GREB1L: variants seen among roughly 807,000 people sequenced by gnomAD.
GREB1L encodes the protein GREB1 like retinoic acid receptor coactivator, also known as GREB1-like protein.
In GREB1L, 17 loss-of-function variants were observed where a neutral mutation model predicts 200.8. That is an observed-to-expected ratio of 0.08 (90% CI 0.06 to 0.13). The LOEUF (loss-of-function observed/expected upper bound fraction) is 0.13. GREB1L is among the 10% of genes least tolerant of loss of function. GREB1L has a pLI of 1.00. For synonymous variants in GREB1L, 789 were observed against 893.0 expected, an observed-to-expected ratio of 0.88 and a Z score of 2.08; for missense variants, 1,657 against 2,367.7, an observed-to-expected ratio of 0.70 and a Z score of 6.23.
At chr18:21,505,605 T>G (rs1303877592) in intron 24 of GREB1L, 38 bp downstream of exon 24, 1 of 1,545,988 alleles carries the variant, frequency 6.5e-7, no homozygotes, top group African/African-American at 1.4e-5. Flanking sequence ...CTCTCTGGGT[T>G]AAGGGGACAC....
At chr18:21,389,118 T>G (rs896610425) in intron 4 of GREB1L, among the ~76,000 whole-genome samples, 1 of 152,142 alleles carries the variant, frequency 6.6e-6, no homozygotes, top group African/African-American at 2.4e-5. Context: ...CGTAAATTAT[T>G]TGAAATTCTA....
chr18:21,417,118 T>TA (rs2031714271), intron 7 of GREB1L, among the ~76,000 whole-genome samples: 1 of 152,130 alleles, frequency 6.6e-6, no homozygotes, highest in African/African-American at 2.4e-5. Flanking sequence ...GGCATGTAAT[T>TA]AGTACAGGGG....
At chr18:21,347,867 A>C (rs1431470322) in intron 1 of GREB1L, among the ~76,000 whole-genome samples, 2 of 143,122 alleles carry the variant, frequency 1.4e-5, no homozygotes, top group South Asian at 2.2e-4. Context: ...CCCAGGTTCA[A>C]GTGATTCTCC....
At chr18:21,279,319 GTTATTA>G (rs1001370085) in intron 1 of GREB1L, among the ~76,000 whole-genome samples, 11 of 152,026 alleles carry the variant, frequency 7.2e-5, no homozygotes, top group East Asian at 1.9e-4. Flanking sequence ...TTACTGAATA[GTTATTA>G]TTATAATTTC....
intron 1 of GREB1L, among the ~76,000 whole-genome samples, chr18:21,306,986 C>T (rs1420655278): frequency 6.6e-6 from 1 of 152,218 alleles, no homozygotes; most frequent in African/African-American, 2.4e-5. Flanking sequence ...TTAGATTCTA[C>T]TTTCCATTAT....
At chr18:21,313,865 T>C (rs1416723850) in intron 1 of GREB1L, among the ~76,000 whole-genome samples, 4 of 152,254 alleles carry the variant, frequency 2.6e-5, no homozygotes, top group Non-Finnish European at 5.9e-5. Context: ...CTCTGCTGTT[T>C]CCTCATCTTT....
chr18:21,258,594 A>G (rs2037838956), intron 1 of GREB1L, among the ~76,000 whole-genome samples: 2 of 152,180 alleles, frequency 1.3e-5, no homozygotes, highest in South Asian at 4.1e-4. Context: ...TGGAAATACC[A>G]ACACAAGACC....
intron 1 of GREB1L, among the ~76,000 whole-genome samples, chr18:21,303,262 C>G (rs530331551): frequency 1.3e-5 from 2 of 152,292 alleles, no homozygotes; most frequent in East Asian, 3.9e-4. Flanking sequence ...TTTTTATGCA[C>G]TGTATTTTCA....
intron 1 of GREB1L, among the ~76,000 whole-genome samples, chr18:21,357,729 T>G (rs776658536): frequency 3.3e-5 from 5 of 152,236 alleles, no homozygotes; most frequent in Non-Finnish European, 5.9e-5. Flanking sequence ...GAGACTGTTC[T>G]TCCCCATTGT....
chr18:21,353,959 T>G (rs1285272280), intron 1 of GREB1L, among the ~76,000 whole-genome samples: 2 of 152,060 alleles, frequency 1.3e-5, no homozygotes, highest in Non-Finnish European at 2.9e-5. Context: ...ATAATTTTTT[T>G]GTATTTTTTG....
chr18:21,400,215 A>T (rs532024107), intron 5 of GREB1L, among the ~76,000 whole-genome samples: 8 of 148,112 alleles, frequency 5.4e-5, no homozygotes, highest in East Asian at 3.9e-4. Flanking sequence ...ATTTTCAATT[A>T]AAAAAAAAAG....
chr18:21,284,713 A>T (rs1270886689), intron 1 of GREB1L, among the ~76,000 whole-genome samples: 1 of 152,174 alleles, frequency 6.6e-6, no homozygotes, highest in African/African-American at 2.4e-5. Flanking sequence ...TTGCTGGGTC[A>T]TGTGGTAACT....
In GREB1L at chr18:21,525,012, G is replaced by GTGTATGTATATATATATA. The variant is rs55641891; in HGVS notation, c.*2192_*2193insGTATGTATATATATATAT. The GTGTATGTATATATATATA allele has an allele frequency of 1.4e-5, 2 of 145,122 alleles. No homozygotes were observed. Among genetic ancestry groups the GTGTATGTATATATATATA allele is most frequent in the African/African-American group, 2.5e-5 (1 of 40,128 alleles). 9.0% of individuals were successfully genotyped at this position (145,122 alleles called of 1,614,324 possible). ...AAGCACAGGACACCATGATTTGTGT[G>GTGTATGTATATATATATA]TATATATATATATATCCTAGTGTGT... On this transcript the variant is annotated 3_prime_UTR_variant, in exon 33 of 33. Transcript: ENST00000424526.
chr18:21,304,763 G>A (rs993004843), intron 1 of GREB1L, among the ~76,000 whole-genome samples: 2 of 152,140 alleles, frequency 1.3e-5, no homozygotes, highest in African/African-American at 4.8e-5. Flanking sequence ...GCTTGGTATT[G>A]TCAATAACTG....
chr18:21,308,945 C>T (rs1457061756), intron 1 of GREB1L, among the ~76,000 whole-genome samples: 2 of 152,202 alleles, frequency 1.3e-5, no homozygotes, highest in Admixed American at 6.5e-5. Context: ...GATTCTCAAG[C>T]GTGACCATTT....
intron 10 of GREB1L, among the ~76,000 whole-genome samples, chr18:21,443,361 T>C (rs2034019790): frequency 6.6e-6 from 1 of 151,878 alleles, no homozygotes; most frequent in Non-Finnish European, 1.5e-5. Context: ...TGGCTAATTT[T>C]TGTACTTTTA....
intron 2 of GREB1L, among the ~76,000 whole-genome samples, chr18:21,373,244 C>T (rs988362956): frequency 7.2e-5 from 11 of 152,168 alleles, no homozygotes; most frequent in Non-Finnish European, 1.6e-4. Flanking sequence ...TATCAACCTT[C>T]TGTCTCATGG....
At chr18:21,253,136 A>T (rs1185956527) in intron 1 of GREB1L, among the ~76,000 whole-genome samples, 1 of 152,026 alleles carries the variant, frequency 6.6e-6, no homozygotes, top group African/African-American at 2.4e-5. Flanking sequence ...GGTTTACTTG[A>T]CTTGCCCAAG....
At chr18:21,452,275 A>G (rs2034563433) in intron 14 of GREB1L, 58 bp downstream of exon 14, 1 of 1,499,720 alleles carries the variant, frequency 6.7e-7, no homozygotes, top group Non-Finnish European at 9.0e-7. Context: ...CATTGTAAAA[A>G]CTAAGTCATT....
Sources: gnomAD v4.1 joint callset for allele counts (sites outside exome capture counted in the v4.1 genomes callset) on GRCh38, gnomAD v4.1.1 for gene constraint, MANE v1.5 for transcripts, NCBI Gene and HGNC (gene_info 2026-07-23, HGNC 2026-07-21) for gene names.